The following EPHA5 variants were observed in gnomAD, a reference collection of about 807,000 sequenced individuals.
EPHA5 encodes the protein EPH receptor A5.
EPHA5 carries 60 observed loss-of-function variants against 105.0 expected under a neutral mutation model. That is an observed-to-expected ratio of 0.57 (90% CI 0.46 to 0.71). EPHA5 has a LOEUF of 0.71. EPHA5 is among the 30% of genes least tolerant of loss of function. EPHA5 has a pLI of 0.00. For synonymous variants in EPHA5, 513 were observed against 449.1 expected, an observed-to-expected ratio of 1.14 and a Z score of -1.80; for missense variants, 1,218 against 1,274.7, an observed-to-expected ratio of 0.96 and a Z score of 0.68.
At chr4:65,383,189 A>G (rs112109125) in intron 8 of EPHA5, among the ~76,000 whole-genome samples, 12 of 148,780 alleles carry the variant, frequency 8.1e-5, no homozygotes, top group African/African-American at 3.0e-4. Flanking sequence ...GTATATATGT[A>G]TCATATATAC....
intron 3 of EPHA5, among the ~76,000 whole-genome samples, chr4:65,521,676 A>G (rs1734735770): frequency 6.6e-6 from 1 of 152,042 alleles, no homozygotes; most frequent in Non-Finnish European, 1.5e-5. Flanking sequence ...CTTGGGAAGC[A>G]AGCATTATAG....
intron 8 of EPHA5, among the ~76,000 whole-genome samples, chr4:65,396,026 C>T (rs1033457033): frequency 6.6e-5 from 10 of 152,180 alleles, no homozygotes; most frequent in African/African-American, 1.7e-4. Context: ...CAGCTGCAGC[C>T]ACCCAACTGT....
chr4:65,654,401 G>A (rs1348105524), intron 1 of EPHA5, among the ~76,000 whole-genome samples: 2 of 151,876 alleles, frequency 1.3e-5, no homozygotes, highest in Non-Finnish European at 2.9e-5. Context: ...CACCTACAAT[G>A]AGGGTTCATT....
chr4:65,427,522 G>A (rs1560526027), intron 5 of EPHA5, among the ~76,000 whole-genome samples: 1 of 152,050 alleles, frequency 6.6e-6, no homozygotes, highest in African/African-American at 2.4e-5. Context: ...CTTCAGTAAA[G>A]AACAGATTTT....
chr4:65,495,636 A>G (rs1731855345), intron 3 of EPHA5, 93 bp from the exon 4 acceptor site: 1 of 1,006,064 alleles, frequency 9.9e-7, no homozygotes, highest in Non-Finnish European at 1.4e-6. Flanking sequence ...GTATATGCAG[A>G]TTACAGATAA....
intron 11 of EPHA5, among the ~76,000 whole-genome samples, chr4:65,360,876 G>A (rs1404778905): frequency 2.0e-5 from 3 of 151,114 alleles, no homozygotes; most frequent in Non-Finnish European, 3.0e-5. Flanking sequence ...ACACAAAGGG[G>A]GTGACAAACC....
chr4:65,644,934 T>C (rs987281171), intron 1 of EPHA5, among the ~76,000 whole-genome samples: 1 of 151,996 alleles, frequency 6.6e-6, no homozygotes, highest in African/African-American at 2.4e-5. Flanking sequence ...ATGCATGCAA[T>C]ATAATGTTTG....
In EPHA5 at chr4:65,365,974, T is replaced by A. The variant is rs1457115693; in HGVS notation, c.1945A>T (p.Ile649Leu). 2 of 1,609,444 alleles carry A rather than the reference T, an allele frequency of 1.2e-6. No homozygotes were observed. Among genetic ancestry groups the A allele is most frequent in the Non-Finnish European group, 1.7e-6 (2 of 1,176,864 alleles). Residue 649 changes from isoleucine to leucine, a missense_variant, in exon 10 of 17, where the codon ATA becomes TTA. Transcript: ENST00000613740. ...TCAATGGTGATACATGATGCTTCTA[T>A]CTCCTTAGCAAATTCGTGGACAGCT... ...NQAVHEFAKE[I>L]EASCITIERV...
At chr4:65,547,296 T>TG (rs923998861) in intron 3 of EPHA5, among the ~76,000 whole-genome samples, 9 of 37,984 alleles carry the variant, frequency 2.4e-4, no homozygotes, top group African/African-American at 5.6e-4. Context: ...CAAAGCCAAG[T>TG]GGAAAAAAAA....
At chr4:65,384,984 C>T (rs1282001536) in intron 8 of EPHA5, among the ~76,000 whole-genome samples, 3 of 151,514 alleles carry the variant, frequency 2.0e-5, no homozygotes, top group Non-Finnish European at 4.4e-5. Flanking sequence ...GTCTCGGGGG[C>T]CTCTTAGAAA....
intron 15 of EPHA5, among the ~76,000 whole-genome samples, chr4:65,333,518 TGTGC>T (rs1720856967): frequency 7.0e-6 from 1 of 142,696 alleles, no homozygotes; most frequent in Non-Finnish European, 1.5e-5. Context: ...ATTGTGTGCG[TGTGC>T]GTGTGAGAGT....
intron 5 of EPHA5, among the ~76,000 whole-genome samples, chr4:65,450,962 C>T (rs1435052929): frequency 6.6e-6 from 1 of 152,104 alleles, no homozygotes; most frequent in Non-Finnish European, 1.5e-5. Flanking sequence ...AAAGGGTATT[C>T]ACGCACAAGA....
chr4:65,361,204 C>T (rs962976280), intron 11 of EPHA5, among the ~76,000 whole-genome samples: 1 of 151,496 alleles, frequency 6.6e-6, no homozygotes, highest in African/African-American at 2.4e-5. Context: ...TACTTTATGC[C>T]AGGCAGGCAC....
intron 1 of EPHA5, among the ~76,000 whole-genome samples, chr4:65,664,194 A>G (rs953391978): frequency 4.6e-5 from 7 of 151,952 alleles, no homozygotes; most frequent in Non-Finnish European, 8.8e-5. Context: ...TACTTAAAAA[A>G]TAGATCATTC....
chr4:65,600,783 C>G (rs1175521966), intron 3 of EPHA5, among the ~76,000 whole-genome samples: 3 of 152,092 alleles, frequency 2.0e-5, no homozygotes, highest in Non-Finnish European at 4.4e-5. Context: ...AAACATGCTG[C>G]TTTCTTTCCC....
intron 5 of EPHA5, among the ~76,000 whole-genome samples, chr4:65,482,662 T>C (rs1730490661): frequency 1.3e-5 from 2 of 152,148 alleles, no homozygotes; most frequent in Admixed American, 1.3e-4. Flanking sequence ...CTAAATTTAG[T>C]GACCTACTTA....
At chr4:65,388,780 T>C (rs972458970) in intron 8 of EPHA5, among the ~76,000 whole-genome samples, 1 of 150,248 alleles carries the variant, frequency 6.7e-6, no homozygotes, top group Non-Finnish European at 1.5e-5. Context: ...TTCACTCTGA[T>C]GGTAGTTTCT....
chr4:65,628,868 C>A (rs1192431803), intron 2 of EPHA5, among the ~76,000 whole-genome samples: 3 of 152,124 alleles, frequency 2.0e-5, no homozygotes, highest in Non-Finnish European at 4.4e-5. Flanking sequence ...GCCCAATATA[C>A]AAAACTCTCT....
chr4:65,513,428 C>T (rs1301119575), intron 3 of EPHA5, among the ~76,000 whole-genome samples: 1 of 152,002 alleles, frequency 6.6e-6, no homozygotes. Context: ...GCTCTGTCGC[C>T]CAGGCTGGAG....
Sources: gnomAD v4.1 joint callset for allele counts (sites outside exome capture counted in the v4.1 genomes callset) on GRCh38, gnomAD v4.1.1 for gene constraint, MANE v1.5 for transcripts, NCBI Gene and HGNC (gene_info 2026-07-23, HGNC 2026-07-21) for gene names.